EIF4EBP2: variants seen among roughly 807,000 people sequenced by gnomAD.
EIF4EBP2 encodes eukaryotic translation initiation factor 4E-binding protein 2.
Under a neutral mutation model 10.3 loss-of-function variants are expected in EIF4EBP2, and 5 were observed. That is an observed-to-expected ratio of 0.48 (90% confidence interval 0.25 to 1.02). EIF4EBP2 has a LOEUF of 1.02. EIF4EBP2 is among the 50% of genes least tolerant of loss of function. The pLI is 0.15. For synonymous variants in EIF4EBP2, 67 were observed against 61.1 expected, an observed-to-expected ratio of 1.10 and a Z score of -0.45; for missense variants, 188 against 162.2, an observed-to-expected ratio of 1.16 and a Z score of -0.86.
chr10:70,417,405 T>C (rs559451241), intron 1 of EIF4EBP2, among the ~76,000 whole-genome samples: 1 of 152,270 alleles, frequency 6.6e-6, no homozygotes, highest in South Asian at 2.1e-4. Context: ...GAAAGGGTTC[T>C]AAAATTGATT....
At chr10:70,417,354 C>G (rs1481648548) in intron 1 of EIF4EBP2, among the ~76,000 whole-genome samples, 1 of 150,554 alleles carries the variant, frequency 6.6e-6, no homozygotes, top group African/African-American at 2.5e-5. Context: ...GTGGGGAGAT[C>G]AGGTGGCATC....
intron 1 of EIF4EBP2, among the ~76,000 whole-genome samples, chr10:70,418,432 T>TG (rs1845119822): frequency 2.6e-5 from 4 of 152,124 alleles, no homozygotes; most frequent in Admixed American, 2.6e-4. Flanking sequence ...AAGGGCACTG[T>TG]GGGGGAGGGG....
chr10:70,412,815 A>G (rs1845059446), intron 1 of EIF4EBP2, among the ~76,000 whole-genome samples: 1 of 152,240 alleles, frequency 6.6e-6, no homozygotes, highest in Non-Finnish European at 1.5e-5. Context: ...ATATCTGGTC[A>G]CTAAGGGATG....
chr10:70,415,158 GA>G (rs377725171), intron 1 of EIF4EBP2, among the ~76,000 whole-genome samples: 3,514 of 107,364 alleles, frequency 0.033, 79 homozygotes, highest in African/African-American at 0.081. Flanking sequence ...ACCCTCTCTC[GA>G]AAAAAAAAAA....
chr10:70,407,182 C>T (rs1029437208), intron 1 of EIF4EBP2, among the ~76,000 whole-genome samples: 6 of 150,154 alleles, frequency 4.0e-5, no homozygotes, highest in African/African-American at 1.5e-4. Flanking sequence ...GGCAGGGTCA[C>T]AGGACAATAG....
At chr10:70,413,906 CTG>C (rs1845067914) in intron 1 of EIF4EBP2, among the ~76,000 whole-genome samples, 1 of 152,126 alleles carries the variant, frequency 6.6e-6, no homozygotes, top group Non-Finnish European at 1.5e-5. Flanking sequence ...CTTGTGTAGT[CTG>C]TTTTCCTTCT....
rs1451429973 is a variant in EIF4EBP2, at chr10:70,428,013, C to A, written c.*6266C>A. 1 of 141,648 alleles carries A rather than the reference C, an allele frequency of 7.1e-6. No homozygotes were observed. The highest frequency in any genetic ancestry group is 1.5e-5 in the Non-Finnish European group (1 of 66,222). The allele number at this position is 141,648 out of a possible 1,614,324, so 8.8% of individuals were successfully genotyped here. ...GGCCAAGGGTACTTTTAACTGGAAA[C>A]TGGGGAGGAGGGAAGAACACTAGCA... On this transcript the variant is annotated 3_prime_UTR_variant, in exon 3 of 3. Transcript: ENST00000373218.
In EIF4EBP2 at chr10:70,426,856, A is replaced by G. The variant is rs1845210382; in HGVS notation, c.*5109A>G. The G allele has an allele frequency of 6.6e-6, 1 of 152,186 alleles. No individual in the cohort carries two copies. Among genetic ancestry groups the G allele is most frequent in the Non-Finnish European group, 1.5e-5 (1 of 68,042 alleles). The allele number at this position is 152,186 out of a possible 1,614,324, so 9.4% of individuals were successfully genotyped here. A position where few individuals can be genotyped will look rare whatever the true frequency, so the allele number is the denominator to read the frequency against. On this transcript the variant is annotated 3_prime_UTR_variant, in exon 3 of 3. Transcript: ENST00000373218. Reference sequence around the variant, plus strand: ...TTACCTTTCCAGCTCAAACACCATTAGTTAAATTCCTTCATTCTCATTAGA... The same window carrying G: ...TTACCTTTCCAGCTCAAACACCATTGGTTAAATTCCTTCATTCTCATTAGA...
Position 70,424,761 on chromosome 10 carries a change from T to G in EIF4EBP2, c.*3014T>G, listed in dbSNP as rs1289338865. 1 of 152,228 alleles carries G rather than the reference T, an allele frequency of 6.6e-6. No individual in the cohort carries two copies. Among genetic ancestry groups the G allele is most frequent in the Non-Finnish European group, 1.5e-5 (1 of 68,042 alleles). 9.4% of individuals were successfully genotyped at this position (152,228 alleles called of 1,614,324 possible). On this transcript the variant is annotated 3_prime_UTR_variant, in exon 3 of 3. Coordinates refer to ENST00000373218, the MANE Select transcript of EIF4EBP2 (RefSeq NM_004096.5). ...AAATTCCAACAGCAGACATGCATTG[T>G]CATGATTCTGTCTTCTTTTTAGTGT...
In EIF4EBP2 at chr10:70,412,314, GCTGT is replaced by G. The variant is rs540478057; in HGVS notation, c.146-7597_146-7594del. On this transcript the variant is annotated intron_variant, in intron 1 of 2. Coordinates refer to ENST00000373218, the MANE Select transcript of EIF4EBP2 (RefSeq NM_004096.5). ...AGTTACTTAATGTTTCGTTCTCCAG[GCTGT>G]CTATTTGCGTGAGTAAATGGTTAAT... is the stretch of plus-strand genomic sequence containing the variant. 2.5e-4 allele frequency among the ~76,000 whole-genome samples: 36 copies of G among 146,392 alleles called. No individual in the cohort carries two copies. In the South Asian group the frequency reaches 4.7e-3, roughly 19 times the overall value.
intron 1 of EIF4EBP2, among the ~76,000 whole-genome samples, chr10:70,416,973 T>C (rs757273456): frequency 9.9e-5 from 15 of 152,188 alleles, no homozygotes; most frequent in Non-Finnish European, 1.5e-4. Flanking sequence ...TCCACTTTTT[T>C]AGTTTGGTAT....
chr10:70,417,978 A>G (rs1448029545), intron 1 of EIF4EBP2, among the ~76,000 whole-genome samples: 5 of 152,218 alleles, frequency 3.3e-5, no homozygotes, highest in Non-Finnish European at 7.3e-5. Context: ...CAGACTAGAA[A>G]CACCAAGTTA....
In EIF4EBP2 at chr10:70,424,044, C is replaced by T. The variant is rs1381747037; in HGVS notation, c.*2297C>T. On this transcript the variant is annotated 3_prime_UTR_variant, in exon 3 of 3. Transcript: ENST00000373218. ...ATTCTTCATACACTGGCCTTGGCAT[C>T]CTGTGGAATTTGACCCAACTAGCAG... 1 of 152,164 alleles carries T rather than the reference C, an allele frequency of 6.6e-6. No homozygotes were observed. Among genetic ancestry groups the T allele is most frequent in the East Asian group, 1.9e-4 (1 of 5,198 alleles). 9.4% of individuals were successfully genotyped at this position (152,164 alleles called of 1,614,324 possible).
chr10:70,419,858 T>TTA, intron 1 of EIF4EBP2, 56 bp from the exon 2 acceptor site: 1 of 1,240,912 alleles, frequency 8.1e-7, no homozygotes, highest in Non-Finnish European at 1.1e-6. Flanking sequence ...CTGGGTGGTA[T>TTA]TATATGTTGA....
At position 70,426,609 on chromosome 10, in the gene EIF4EBP2, T is replaced by C. The variant is rs925549275; in HGVS notation, c.*4862T>C. ...CAAATTCTTGTTTGGATTTATGCTCTGCCTCTTCCCAGCATTTTCTTATCT... is the reference window on the plus strand; with the variant it reads ...CAAATTCTTGTTTGGATTTATGCTCCGCCTCTTCCCAGCATTTTCTTATCT... On this transcript the variant is annotated 3_prime_UTR_variant, in exon 3 of 3. Transcript: ENST00000373218. The C allele has an allele frequency of 1.3e-5, 2 of 152,248 alleles. No individual in the cohort carries two copies. Among genetic ancestry groups the C allele is most frequent in the Non-Finnish European group, 2.9e-5 (2 of 68,050 alleles). 9.4% of individuals were successfully genotyped at this position (152,248 alleles called of 1,614,324 possible). A position where few individuals can be genotyped will look rare whatever the true frequency, so the allele number is the denominator to read the frequency against.
Position 70,423,143 on chromosome 10 carries a change from T to A in EIF4EBP2, c.*1396T>A, listed in dbSNP as rs757787447. 4.6e-5 allele frequency: 7 copies of A among 152,684 alleles called. No homozygotes were observed. Among genetic ancestry groups the A allele is most frequent in the Non-Finnish European group, 8.8e-5 (6 of 68,052 alleles). 9.5% of individuals were successfully genotyped at this position (152,684 alleles called of 1,614,324 possible). A position where few individuals can be genotyped will look rare whatever the true frequency, so the allele number is the denominator to read the frequency against. On this transcript the variant is annotated 3_prime_UTR_variant, in exon 3 of 3. Coordinates refer to ENST00000373218, the MANE Select transcript of EIF4EBP2 (RefSeq NM_004096.5). ...ATGACTACAGACCTATTTTTAGATATGTTTTCAGTACAATTTTGAACAGCA... is the reference window on the plus strand; with the variant it reads ...ATGACTACAGACCTATTTTTAGATAAGTTTTCAGTACAATTTTGAACAGCA...
intron 1 of EIF4EBP2, among the ~76,000 whole-genome samples, chr10:70,406,138 G>A (rs541214638): frequency 6.6e-6 from 1 of 152,030 alleles, no homozygotes; most frequent in African/African-American, 2.4e-5. Context: ...GTGCCACCAC[G>A]CCTGGCTAAT....
chr10:70,418,976 G>T (rs1845127006), intron 1 of EIF4EBP2, among the ~76,000 whole-genome samples: 1 of 152,062 alleles, frequency 6.6e-6, no homozygotes, highest in Non-Finnish European at 1.5e-5. Context: ...CACCTCACTT[G>T]GCTCTTTTTA....
At chr10:70,407,894 C>G (rs113498462) in intron 1 of EIF4EBP2, among the ~76,000 whole-genome samples, 1 of 135,040 alleles carries the variant, frequency 7.4e-6, no homozygotes, top group African/African-American at 2.8e-5. Context: ...GGCGGCTGGC[C>G]GGGCAGAGGG....
Sources: gnomAD v4.1 joint callset for allele counts (sites outside exome capture counted in the v4.1 genomes callset) on GRCh38, gnomAD v4.1.1 for gene constraint, MANE v1.5 for transcripts, NCBI Gene and HGNC (gene_info 2026-07-23, HGNC 2026-07-21) for gene names.